PLCL2: variants seen among roughly 807,000 people sequenced by gnomAD.
PLCL2 encodes the protein phospholipase C like 2.
A neutral mutation model predicts 79.6 loss-of-function variants in PLCL2; 4 were observed. The observed-to-expected ratio is 0.05, with a 90% CI of 0.02 to 0.11. PLCL2 has a LOEUF of 0.11. Ranked by LOEUF, PLCL2 falls within the 10% of genes least tolerant of loss-of-function variation. The pLI, the probability that PLCL2 is intolerant of heterozygous loss-of-function variation, is 1.00. For missense variants in PLCL2, 895 were observed against 1,291.0 expected (o/e 0.69, Z 4.70); for synonymous variants, 484 against 457.7 (o/e 1.06, Z -0.73).
intron 1 of PLCL2, among the ~76,000 whole-genome samples, chr3:16,988,790 T>C (rs1018743499): frequency 6.6e-6 from 1 of 152,110 alleles, no homozygotes; most frequent in African/African-American, 2.4e-5. Flanking sequence ...AAGCAAAATA[T>C]GCTTTTCATA....
At chr3:17,084,887 C>T (rs147048226) in intron 5 of PLCL2, among the ~76,000 whole-genome samples, 2 of 152,278 alleles carry the variant, frequency 1.3e-5, no homozygotes, top group Non-Finnish European at 2.9e-5. Flanking sequence ...TGTTCTCTGA[C>T]ACCACTGCTT....
chr3:16,926,914 C>A lies in PLCL2; in HGVS notation c.327+41548C>A, dbSNP rs536190927. 1.2e-3 allele frequency among the ~76,000 whole-genome samples: 186 copies of A among 152,186 alleles called. 3 individuals carry two copies. The highest frequency in any genetic ancestry group is 4.3e-3 in the African/African-American group (179 of 41,510). On this transcript the variant is annotated intron_variant, in intron 1 of 5. Transcript: ENST00000615277. ...AAAGTGCTAGGATTACAGATGTAAGCCACCGCGCCCGGCCACATTTTTTTT... is the reference window on the plus strand; with the variant it reads ...AAAGTGCTAGGATTACAGATGTAAGACACCGCGCCCGGCCACATTTTTTTT...
chr3:17,080,061 G>A (rs2065146646), intron 5 of PLCL2, among the ~76,000 whole-genome samples: 2 of 152,178 alleles, frequency 1.3e-5, no homozygotes, highest in Admixed American at 1.3e-4. Context: ...TGGAGGTCAG[G>A]GTGGAGGGAA....
At chr3:17,043,128 G>A (rs767681398) in intron 4 of PLCL2, among the ~76,000 whole-genome samples, 179 bp downstream of exon 4, 4 of 152,140 alleles carry the variant, frequency 2.6e-5, no homozygotes, top group Non-Finnish European at 5.9e-5. Flanking sequence ...ACTCACCTGA[G>A]GGGACCATTC....
At position 16,885,318 on chromosome 3, in the gene PLCL2, C is replaced by G. The variant is rs1696191285; in HGVS notation, c.279C>G (p.Pro93=). The G allele has an allele frequency of 3.0e-6, 2 of 667,096 alleles. No individual in the cohort carries two copies. Among genetic ancestry groups the G allele is most frequent in the Admixed American group, 2.2e-5 (1 of 45,030 alleles). The allele number at this position is 667,096 out of a possible 1,614,324, so 41.3% of individuals were successfully genotyped here. Reference sequence around the variant, plus strand: ...CCAGCGCGGTCGTCTGTACCCTCCCCCGGGAGAGCAAGCCGGGCGGCCTGC... The same window carrying G: ...CCAGCGCGGTCGTCTGTACCCTCCCGCGGGAGAGCAAGCCGGGCGGCCTGC... ...PTPSAVVCTL[P]RESKPGGLPR... Residue 93 remains proline, a synonymous_variant, in exon 1 of 6, where the codon CCC becomes CCG. Transcript: ENST00000615277.
At chr3:17,020,987 G>A (rs920481883) in intron 3 of PLCL2, among the ~76,000 whole-genome samples, 1 of 152,118 alleles carries the variant, frequency 6.6e-6, no homozygotes, top group Admixed American at 6.6e-5. Context: ...GAGATGATCT[G>A]TAATAAGGTT....
chr3:16,956,257 A>C (rs2063704513), intron 1 of PLCL2, among the ~76,000 whole-genome samples: 1 of 152,116 alleles, frequency 6.6e-6, no homozygotes, highest in African/African-American at 2.4e-5. Flanking sequence ...GAATTTTGTC[A>C]AAGGCCTTTT....
chr3:16,944,496 G>C (rs1247163271), intron 1 of PLCL2, among the ~76,000 whole-genome samples: 1 of 152,060 alleles, frequency 6.6e-6, no homozygotes, highest in Non-Finnish European at 1.5e-5. Flanking sequence ...CCTTTAAAGA[G>C]GTAATTAACA....
intron 2 of PLCL2, among the ~76,000 whole-genome samples, chr3:17,013,526 A>G (rs1488541387): frequency 6.6e-6 from 1 of 152,232 alleles, no homozygotes; most frequent in East Asian, 1.9e-4. Context: ...TTTAAATATC[A>G]CAGTCATGAT....
At chr3:16,987,100 A>G (rs1255550683) in intron 1 of PLCL2, among the ~76,000 whole-genome samples, 1 of 151,740 alleles carries the variant, frequency 6.6e-6, no homozygotes, top group Non-Finnish European at 1.5e-5. Context: ...CTTTCACAGC[A>G]ACCTTGTAGA....
chr3:17,089,847 G>A lies in PLCL2; in HGVS notation c.3319G>A (p.Val1107Ile), dbSNP rs764761014. 2 of 1,614,092 alleles carry A rather than the reference G, an allele frequency of 1.2e-6. No individual in the cohort carries two copies. The highest frequency in any genetic ancestry group is 1.7e-5 in the Admixed American group (1 of 60,020). ...LNKPGTENAD[V>I]QKPRRSLEVI... ...TAAACCAGGCACCGAAAATGCTGAT[G>A]TCCAGAAGCCACGCCGGAGCTTGGA... is the stretch of plus-strand genomic sequence containing the variant. The change falls in exon 6 of 6, where the codon GTC (valine) becomes ATC (isoleucine). Residue 1107 changes from valine to isoleucine, a missense_variant. Val to Ile is a conservative substitution (Grantham distance 29, BLOSUM62 3). This residue lies in a region of PLCL2 where 298 missense variants were observed against 459.6 expected (regional missense o/e 0.65). Coordinates refer to ENST00000615277, the MANE Select transcript of PLCL2 (RefSeq NM_001144382.2).
chr3:16,990,456 TGA>T (rs1693636732), intron 1 of PLCL2, among the ~76,000 whole-genome samples: 1 of 152,208 alleles, frequency 6.6e-6, no homozygotes, highest in South Asian at 2.1e-4. Flanking sequence ...TTTCCTTTTA[TGA>T]GAGACCAAAG....
At chr3:16,971,991 A>G (rs967484960) in intron 1 of PLCL2, among the ~76,000 whole-genome samples, 28 of 152,128 alleles carry the variant, frequency 1.8e-4, no homozygotes, top group Non-Finnish European at 4.0e-4. Flanking sequence ...CCTTCATGCT[A>G]AAAACTCTCA....
At chr3:17,029,767 T>C (rs1023519564) in intron 3 of PLCL2, among the ~76,000 whole-genome samples, 1 of 151,972 alleles carries the variant, frequency 6.6e-6, no homozygotes. Context: ...AAAACACATC[T>C]CCCAGGGAAG....
intron 1 of PLCL2, among the ~76,000 whole-genome samples, chr3:16,937,505 A>G (rs908636583): frequency 6.6e-6 from 1 of 152,184 alleles, no homozygotes; most frequent in Admixed American, 6.5e-5. Context: ...TAATAGCATA[A>G]ATCAAAGAAC....
chr3:17,066,956 T>C (rs2065016450), intron 4 of PLCL2, among the ~76,000 whole-genome samples: 1 of 152,206 alleles, frequency 6.6e-6, no homozygotes, highest in African/African-American at 2.4e-5. Context: ...AAGACTTATC[T>C]GAATTCACCT....
intron 4 of PLCL2, among the ~76,000 whole-genome samples, chr3:17,060,968 T>G (rs2064946534): frequency 6.6e-6 from 1 of 152,218 alleles, no homozygotes; most frequent in Non-Finnish European, 1.5e-5. Flanking sequence ...AAGAGCTTTT[T>G]GGGACAGCAA....
chr3:16,967,940 T>C (rs1486440277), intron 1 of PLCL2, among the ~76,000 whole-genome samples: 1 of 152,142 alleles, frequency 6.6e-6, no homozygotes, highest in Non-Finnish European at 1.5e-5. Flanking sequence ...GATTTTTGCA[T>C]ATGGTATAAG....
chr3:17,081,183 A>C (rs1226602470), intron 5 of PLCL2: 2 of 456,632 alleles, frequency 4.4e-6, no homozygotes, highest in African/African-American at 4.0e-5. Context: ...TGCATTCCCA[A>C]ATAGATAAGA....
Sources: allele counts gnomAD v4.1 joint callset (sites outside exome capture counted in the v4.1 genomes callset), GRCh38; gene constraint gnomAD v4.1.1; regional missense constraint gnomAD v4.1.1; transcripts MANE v1.5; gene names NCBI Gene and HGNC (gene_info 2026-07-23, HGNC 2026-07-21).